DAB1: variants seen among roughly 807,000 people sequenced by gnomAD.
DAB1 encodes the protein disabled homolog 1.
In DAB1, 15 loss-of-function variants were observed where a neutral mutation model predicts 64.6. That is an observed-to-expected ratio of 0.23 (90% CI 0.16 to 0.36). The LOEUF (loss-of-function observed/expected upper bound fraction) is 0.36, where lower values mean the gene tolerates loss of function less well. Ranked by LOEUF, DAB1 falls within the 10% of genes least tolerant of loss-of-function variation. The pLI is 1.00. For synonymous variants in DAB1, 235 were observed against 251.9 expected, an observed-to-expected ratio of 0.93 and a Z score of 0.64; for missense variants, 596 against 706.7, an observed-to-expected ratio of 0.84 and a Z score of 1.78.
intron 7 of DAB1, among the ~76,000 whole-genome samples, chr1:57,475,764 T>C (rs1166406556): frequency 6.6e-6 from 1 of 152,218 alleles, no homozygotes; most frequent in Non-Finnish European, 1.5e-5. Context: ...AATACCTGTG[T>C]ATTCACTGGC....
At chr1:57,524,659 C>A (rs1021641164) in intron 7 of DAB1, among the ~76,000 whole-genome samples, 6 of 152,162 alleles carry the variant, frequency 3.9e-5, no homozygotes, top group African/African-American at 1.2e-4. Flanking sequence ...TTATAAAGAA[C>A]CTTCTTAAGG....
At chr1:58,237,519 T>TTTCTTTC (rs2100368039) in intron 4 of DAB1, among the ~76,000 whole-genome samples, 1 of 152,170 alleles carries the variant, frequency 6.6e-6, no homozygotes, top group South Asian at 2.1e-4. Flanking sequence ...TTGGGGGTCA[T>TTTCTTTC]TTTTTTCTTT....
At chr1:58,504,956 ACTT>A (rs1052222925) in intron 3 of DAB1, among the ~76,000 whole-genome samples, 10 of 151,620 alleles carry the variant, frequency 6.6e-5, no homozygotes, top group African/African-American at 2.2e-4. Flanking sequence ...ACTGAAAGAT[ACTT>A]CTTTTTTTTT....
At chr1:57,409,539 G>C (rs888765224) in intron 1 of DAB1, among the ~76,000 whole-genome samples, 1 of 152,168 alleles carries the variant, frequency 6.6e-6, no homozygotes, top group Non-Finnish European at 1.5e-5. Flanking sequence ...GGCTGGGCGT[G>C]GTGGCTCACG....
At chr1:57,748,395 C>T (rs12069642) in intron 6 of DAB1, among the ~76,000 whole-genome samples, 57,263 of 152,068 alleles carry the variant, frequency 0.38, 11,020 homozygotes, top group Admixed American at 0.43. Flanking sequence ...CAAGTTTTCT[C>T]ATTCTTAAAA....
At chr1:58,114,940 T>C (rs529619530) in intron 5 of DAB1, among the ~76,000 whole-genome samples, 136 of 152,234 alleles carry the variant, frequency 8.9e-4, no homozygotes, top group African/African-American at 3.1e-3. Flanking sequence ...AGCTAGAAAG[T>C]TAAATTACTC....
At position 57,832,318 on chromosome 1, in the gene DAB1, A is replaced by G. The variant is rs191134189; in HGVS notation, n.88-5863T>C. 4.0e-3 allele frequency among the ~76,000 whole-genome samples: 613 copies of G among 152,344 alleles called. 2 individuals are homozygous for G. The highest frequency in any genetic ancestry group is 0.014 in the African/African-American group (597 of 41,580). On this transcript the variant is annotated intron_variant and non_coding_transcript_variant, in intron 1 of 1. Transcript: ENST00000477280. Reference sequence around the variant, plus strand: ...TCTTCCAAGCTTTAAAACCTGGGCCAATAAATGAAAAGAAAAAAAGTGACA... The same window carrying G: ...TCTTCCAAGCTTTAAAACCTGGGCCGATAAATGAAAAGAAAAAAAGTGACA...
chr1:57,807,519 C>T (rs529563087), intron 6 of DAB1, among the ~76,000 whole-genome samples: 76 of 152,248 alleles, frequency 5.0e-4, no homozygotes, highest in African/African-American at 1.7e-3. Flanking sequence ...TAACCTGTTT[C>T]GCAGCAATAG....
intron 4 of DAB1, among the ~76,000 whole-genome samples, chr1:58,291,528 A>G (rs1014117684): frequency 6.6e-6 from 1 of 152,226 alleles, no homozygotes; most frequent in Non-Finnish European, 1.5e-5. Flanking sequence ...ATTAAGCTCA[A>G]TGAGAACAGA....
chr1:58,420,972 T>A (rs1467910836), intron 3 of DAB1, among the ~76,000 whole-genome samples: 2 of 152,194 alleles, frequency 1.3e-5, no homozygotes, highest in Non-Finnish European at 2.9e-5. Flanking sequence ...TTTACCCTAA[T>A]GCATGAAAGA....
chr1:58,259,061 T>A (rs1660994260), intron 4 of DAB1, among the ~76,000 whole-genome samples: 1 of 152,204 alleles, frequency 6.6e-6, no homozygotes, highest in Admixed American at 6.5e-5. Context: ...AGGATTAAAA[T>A]TTTACAGGAT....
At chr1:58,392,333 A>T (rs562361809) in intron 3 of DAB1, among the ~76,000 whole-genome samples, 2 of 152,324 alleles carry the variant, frequency 1.3e-5, no homozygotes, top group Non-Finnish European at 2.9e-5. Flanking sequence ...AATCATATGC[A>T]AATTTCTCTT....
intron 6 of DAB1, among the ~76,000 whole-genome samples, chr1:57,784,351 G>A (rs995923574): frequency 8.5e-5 from 13 of 152,074 alleles, no homozygotes; most frequent in Admixed American, 2.0e-4. Flanking sequence ...TCGAGATCGC[G>A]CCACTGCACT....
intron 2 of DAB1, among the ~76,000 whole-genome samples, chr1:57,225,478 C>G (rs538292775): frequency 2.0e-5 from 3 of 152,242 alleles, no homozygotes; most frequent in Admixed American, 1.3e-4. Flanking sequence ...CACCACCCAC[C>G]CATGCCACCA....
At chr1:58,483,524 T>G (rs1290358144) in intron 3 of DAB1, among the ~76,000 whole-genome samples, 2 of 152,214 alleles carry the variant, frequency 1.3e-5, no homozygotes, top group Non-Finnish European at 2.9e-5. Flanking sequence ...AATTCTTCAG[T>G]GGCAGTGGTC....
intron 7 of DAB1, among the ~76,000 whole-genome samples, chr1:57,525,419 T>C (rs185524739): frequency 6.9e-6 from 1 of 145,982 alleles, no homozygotes; most frequent in African/African-American, 2.5e-5. Flanking sequence ...AATATACTAG[T>C]AGACACAGAA....
intron 3 of DAB1, among the ~76,000 whole-genome samples, chr1:58,437,234 C>T (rs533677697): frequency 6.6e-6 from 1 of 152,308 alleles, no homozygotes; most frequent in East Asian, 1.9e-4. Context: ...ATCTCTGGGT[C>T]TTGGGAGAGG....
chr1:58,240,672 GA>G (rs1290700120), intron 4 of DAB1, among the ~76,000 whole-genome samples: 1 of 152,136 alleles, frequency 6.6e-6, no homozygotes, highest in East Asian at 1.9e-4. Flanking sequence ...AACAAAGAAA[GA>G]AACTAAAAAG....
intron 1 of DAB1, among the ~76,000 whole-genome samples, chr1:57,415,954 T>C (rs936388925): frequency 1.3e-5 from 2 of 152,188 alleles, no homozygotes; most frequent in African/African-American, 4.8e-5. Context: ...GAGAAATATA[T>C]ATCAGTGAAA....
Sources: allele counts gnomAD v4.1 joint callset (sites outside exome capture counted in the v4.1 genomes callset), GRCh38; gene constraint gnomAD v4.1.1; transcripts MANE v1.5; gene names NCBI Gene and HGNC (gene_info 2026-07-23, HGNC 2026-07-21).